EXOC4: variants seen among roughly 807,000 people sequenced by gnomAD.
EXOC4 encodes SEC8-like 1.
In EXOC4, 71 loss-of-function variants were observed where a neutral mutation model predicts 107.2. The ratio of observed to expected loss-of-function variants is 0.66; its 90% CI spans 0.55 to 0.81. The LOEUF (loss-of-function observed/expected upper bound fraction) is 0.81. EXOC4 is among the 30% of genes least tolerant of loss of function. EXOC4 has a pLI of 0.00. For missense variants in EXOC4, 1,108 were observed against 1,189.6 expected (o/e 0.93, Z 1.01); for synonymous variants, 456 against 441.2 (o/e 1.03, Z -0.42).
At chr7:133,414,917 C>T (rs985554035) in intron 7 of EXOC4, among the ~76,000 whole-genome samples, 11 of 152,094 alleles carry the variant, frequency 7.2e-5, no homozygotes, top group African/African-American at 2.7e-4. Context: ...TAGCCATCAG[C>T]CCCCTACCCC....
intron 14 of EXOC4, among the ~76,000 whole-genome samples, chr7:133,951,185 C>G (rs1420451018): frequency 6.6e-6 from 1 of 152,172 alleles, no homozygotes; most frequent in Non-Finnish European, 1.5e-5. Context: ...TCCCTTGACC[C>G]AGCCCTACCC....
intron 15 of EXOC4, among the ~76,000 whole-genome samples, 153 bp downstream of exon 15, chr7:133,997,786 T>C (rs1239364706): frequency 6.6e-6 from 1 of 152,174 alleles, no homozygotes; most frequent in Non-Finnish European, 1.5e-5. Context: ...CTGTATTCAG[T>C]GATTATTTGA....
chr7:133,361,350 GGCTCACT>G (rs1186677959), intron 6 of EXOC4, among the ~76,000 whole-genome samples: 4 of 152,030 alleles, frequency 2.6e-5, no homozygotes, highest in Non-Finnish European at 4.4e-5. Context: ...GTGTGATCTT[GGCTCACT>G]GCAAGCTCCG....
chr7:133,304,983 T>C (rs1472162409), intron 3 of EXOC4, among the ~76,000 whole-genome samples: 1 of 152,188 alleles, frequency 6.6e-6, no homozygotes, highest in Non-Finnish European at 1.5e-5. Flanking sequence ...CTTTAAGTTT[T>C]CTTTGAAAAG....
At chr7:133,601,009 G>T (rs1412923829) in intron 9 of EXOC4, among the ~76,000 whole-genome samples, 1 of 152,144 alleles carries the variant, frequency 6.6e-6, no homozygotes, top group Non-Finnish European at 1.5e-5. Flanking sequence ...CCTATCCAGG[G>T]AATAATCCTG....
intron 7 of EXOC4, among the ~76,000 whole-genome samples, chr7:133,458,629 A>AG (rs1191859798): frequency 6.6e-6 from 1 of 152,232 alleles, no homozygotes; most frequent in Non-Finnish European, 1.5e-5. Context: ...CTTGTAGCAT[A>AG]GGCAGAGATC....
At chr7:133,469,351 G>A (rs112833032) in intron 7 of EXOC4, among the ~76,000 whole-genome samples, 12,025 of 152,150 alleles carry the variant, frequency 0.079, 672 homozygotes, top group Non-Finnish European at 0.11. Context: ...GGGAGGTGGC[G>A]GATGCAGTGA....
At chr7:134,009,753 A>G (rs1358004250) in intron 17 of EXOC4, 1 of 152,226 alleles carries the variant, frequency 6.6e-6, no homozygotes, top group East Asian at 1.9e-4. Flanking sequence ...TCTAAGGAAT[A>G]TAATTCCTAA....
intron 13 of EXOC4, among the ~76,000 whole-genome samples, chr7:133,924,614 G>A (rs1800011088): frequency 6.6e-6 from 1 of 152,102 alleles, no homozygotes; most frequent in Non-Finnish European, 1.5e-5. Context: ...AATACATGAA[G>A]CAAAGTGTAA....
intron 10 of EXOC4, among the ~76,000 whole-genome samples, chr7:133,737,568 GTTTCTAGTTGT>G: frequency 6.6e-6 from 1 of 152,024 alleles, no homozygotes; most frequent in Admixed American, 6.5e-5. Flanking sequence ...GTAGCTTACC[GTTTCTAGTTGT>G]TTGTATCTCA....
At chr7:133,576,675 G>T (rs746913620) in intron 9 of EXOC4, 1 of 1,289,608 alleles carries the variant, frequency 7.8e-7, no homozygotes, top group African/African-American at 1.5e-5. Context: ...TCAGAAGTGA[G>T]CAATGGGAGC....
the EXOC4 span, among the ~76,000 whole-genome samples, chr7:134,094,013 C>T: frequency 6.6e-6 from 1 of 151,988 alleles, no homozygotes; most frequent in East Asian, 1.9e-4. Context: ...CCCAGAGGAA[C>T]TAGAAAAACA....
intron 11 of EXOC4, among the ~76,000 whole-genome samples, chr7:133,845,957 C>CTA (rs1362945545): frequency 6.6e-6 from 1 of 152,060 alleles, no homozygotes; most frequent in African/African-American, 2.4e-5. Context: ...CATTTATTTA[C>CTA]TATAATAAAA....
At chr7:133,563,432 C>G (rs1304982982) in intron 9 of EXOC4, among the ~76,000 whole-genome samples, 1 of 152,206 alleles carries the variant, frequency 6.6e-6, no homozygotes, top group African/African-American at 2.4e-5. Context: ...TCTCCTCCAT[C>G]TTACATGTCA....
chr7:133,620,114 C>T (rs1231395069), intron 9 of EXOC4, among the ~76,000 whole-genome samples: 2 of 152,032 alleles, frequency 1.3e-5, no homozygotes, highest in African/African-American at 4.8e-5. Flanking sequence ...CTTCCACTTC[C>T]CAAGTTCAAG....
rs187910515 is a variant in EXOC4 at position 133,816,715 on chromosome 7, G to A, written c.1515-610G>A. Among the ~76,000 whole-genome samples, 16 of 152,250 alleles carry A rather than the reference G, an allele frequency of 1.1e-4. No homozygotes were observed. In the East Asian group the frequency reaches 2.7e-3, roughly 26 times the overall value. ...TTTCGGAATGAAATTTCCACCACAG[G>A]TCAGATATTAGACTCTCATAAGGAA... On this transcript the variant is annotated intron_variant, in intron 10 of 17. Transcript: ENST00000253861.
intron 10 of EXOC4, among the ~76,000 whole-genome samples, chr7:133,783,528 T>G (rs1312595839): frequency 6.6e-6 from 1 of 152,234 alleles, no homozygotes; most frequent in Admixed American, 6.5e-5. Flanking sequence ...AGGGCCAGAA[T>G]GTTCATATCC....
At chr7:134,040,129 T>A (rs1448929732) in intron 17 of EXOC4, among the ~76,000 whole-genome samples, 3 of 152,206 alleles carry the variant, frequency 2.0e-5, no homozygotes, top group African/African-American at 7.2e-5. Flanking sequence ...CCACAGCTGA[T>A]GTTCATGTCT....
chr7:133,634,978 T>C (rs1327047637), intron 10 of EXOC4, among the ~76,000 whole-genome samples: 1 of 292 alleles, frequency 3.4e-3, no homozygotes, highest in African/African-American at 4.4e-3. Context: ...CTAGAAGACT[T>C]TTAAGACGAA....
Sources: allele counts gnomAD v4.1 joint callset (sites outside exome capture counted in the v4.1 genomes callset), GRCh38; gene constraint gnomAD v4.1.1; transcripts MANE v1.5; gene names NCBI Gene and HGNC (gene_info 2026-07-23, HGNC 2026-07-21).